Variants in MINPP1 observed in about 807,000 individuals in gnomAD.
MINPP1 encodes the protein multiple inositol polyphosphate phosphatase 1.
A neutral mutation model predicts 46.1 loss-of-function variants in MINPP1; 28 were observed. That is an observed-to-expected ratio of 0.61 (90% CI 0.45 to 0.83). The LOEUF is 0.83. Among genes scored for constraint, MINPP1 ranks in the 40% least tolerant of loss-of-function variants. The pLI, the probability that MINPP1 is intolerant of heterozygous loss-of-function variation, is 0.00. For synonymous variants in MINPP1, 268 were observed against 249.1 expected (o/e 1.08, Z -0.72); for missense variants, 603 against 610.0 (o/e 0.99, Z 0.12).
intron 4 of MINPP1, among the ~76,000 whole-genome samples, chr10:87,548,849 A>G (rs1851924486): frequency 6.6e-6 from 1 of 152,100 alleles, no homozygotes; most frequent in Non-Finnish European, 1.5e-5. Context: ...TCAAATTTGT[A>G]TAATAGACAT....
At chr10:87,512,297 T>C (rs1297642615) in intron 2 of MINPP1, among the ~76,000 whole-genome samples, 1 of 152,250 alleles carries the variant, frequency 6.6e-6, no homozygotes, top group African/African-American at 2.4e-5. Context: ...AGATAACTTA[T>C]TCTGAAATCC....
chr10:87,534,588 C>G (rs1460621516), intron 4 of MINPP1, among the ~76,000 whole-genome samples: 1 of 152,070 alleles, frequency 6.6e-6, no homozygotes, highest in Admixed American at 6.5e-5. Flanking sequence ...GTAAGAATCA[C>G]TCTTAAATCT....
At chr10:87,507,578 G>A (rs1303861054) in intron 1 of MINPP1, among the ~76,000 whole-genome samples, 3 of 151,784 alleles carry the variant, frequency 2.0e-5, no homozygotes, top group Non-Finnish European at 4.4e-5. Context: ...GATATACTTG[G>A]TGTTCTTTTC....
In MINPP1 at chr10:87,508,515, G is replaced by A. The variant is rs1851289000; in HGVS notation, c.817G>A (p.Val273Ile). Residue 273 changes from valine (V) to isoleucine (I), a missense_variant, in exon 2 of 5, where the codon GTA becomes ATA. Physicochemically the swap from Val to Ile is conservative, Grantham distance 29. Around this residue, in one of 3 missense-constraint regions of MINPP1, gnomAD observed 344 missense variants for 381.1 expected, o/e 0.90. Coordinates refer to ENST00000371996, the MANE Select transcript of MINPP1 (RefSeq NM_004897.5). The part of the protein sequence containing the change: ...KKVAATLQVP[V>I]NDLNADLIQV... ...AGTTGCAGCTACTTTGCAAGTGCCA[G>A]TAAATGATTTAAATGCAGGTAATAT... The A allele has an allele frequency of 6.2e-7, 1 of 1,613,190 alleles. No individual in the cohort carries two copies. Among genetic ancestry groups the A allele is most frequent in the Non-Finnish European group, 8.5e-7 (1 of 1,179,398 alleles).
chr10:87,509,245 A>G (rs963797438), intron 2 of MINPP1, among the ~76,000 whole-genome samples: 2 of 152,204 alleles, frequency 1.3e-5, no homozygotes, highest in Non-Finnish European at 2.9e-5. Flanking sequence ...AGATACATGC[A>G]AAGATTGTAG....
chr10:87,516,916 T>C (rs1851419428), intron 3 of MINPP1, among the ~76,000 whole-genome samples: 2 of 152,230 alleles, frequency 1.3e-5, no homozygotes, highest in Admixed American at 6.5e-5. Context: ...TTTTGAACTT[T>C]ATAATGATGG....
chr10:87,520,832 C>G (rs1851490242), intron 3 of MINPP1, among the ~76,000 whole-genome samples: 1 of 152,074 alleles, frequency 6.6e-6, no homozygotes, highest in South Asian at 2.1e-4. Context: ...TACATTCCCC[C>G]AATCCAAATT....
intron 4 of MINPP1, among the ~76,000 whole-genome samples, chr10:87,534,566 G>C (rs1457025233): frequency 6.6e-6 from 1 of 151,822 alleles, no homozygotes; most frequent in Non-Finnish European, 1.5e-5. Context: ...TTGTTGAATT[G>C]TATCCAGTTT....
chr10:87,548,355 A>G (rs893676088), intron 4 of MINPP1, among the ~76,000 whole-genome samples: 1 of 152,168 alleles, frequency 6.6e-6, no homozygotes, highest in African/African-American at 2.4e-5. Context: ...AGAAACTAGC[A>G]TGGTGCCTGG....
chr10:87,536,999 C>T (rs896181957), intron 4 of MINPP1, among the ~76,000 whole-genome samples: 5 of 152,022 alleles, frequency 3.3e-5, no homozygotes, highest in East Asian at 1.9e-4. Context: ...TGCAGCGGCA[C>T]GATCTTGGCT....
rs539901228 is a variant in MINPP1, at chr10:87,531,653, C to T, written c.1067+10484C>T. On this transcript the variant is annotated intron_variant, in intron 4 of 4. Coordinates refer to ENST00000371996, the MANE Select transcript of MINPP1 (RefSeq NM_004897.5). ...ATGTGAAAATTCAAAATACTCCAAA[C>T]TCCAAAACTTTTTGAGTGCGGATGT... 5.7e-4 allele frequency among the ~76,000 whole-genome samples: 87 copies of T among 152,286 alleles called. 1 individual carries two copies. The highest frequency in any genetic ancestry group is 2.7e-3 in the Admixed American group (41 of 15,286).
At chr10:87,550,139 CTTTCAGA>C (rs1339646963) in intron 4 of MINPP1, among the ~76,000 whole-genome samples, 1 of 152,128 alleles carries the variant, frequency 6.6e-6, no homozygotes, top group African/African-American at 2.4e-5. Flanking sequence ...GTTGCCAGAT[CTTTCAGA>C]TTTCTAAGAA....
intron 4 of MINPP1, among the ~76,000 whole-genome samples, chr10:87,544,886 G>T (rs1046596144): frequency 2.0e-5 from 3 of 152,134 alleles, no homozygotes. Flanking sequence ...TTATGTTTGA[G>T]ATTTTAGTGA....
chr10:87,550,614 T>G (rs570295366), intron 4 of MINPP1, among the ~76,000 whole-genome samples: 2 of 152,250 alleles, frequency 1.3e-5, no homozygotes, highest in South Asian at 4.1e-4. Flanking sequence ...TCCTGAACAT[T>G]TAGAAAAAGG....
chr10:87,549,236 G>T (rs913424673), intron 4 of MINPP1, among the ~76,000 whole-genome samples: 1 of 152,152 alleles, frequency 6.6e-6, no homozygotes, highest in African/African-American at 2.4e-5. Flanking sequence ...TCACAGTCTA[G>T]ATTTCATTTC....
chr10:87,504,939 C>G lies in MINPP1; in HGVS notation c.24C>G (p.Leu8=), dbSNP rs577821877. The stretch of plus-strand genomic sequence containing the variant: ...CGATGCTACGCGCGCCCGGCTGCCT[C>G]CTCCGGACCTCCGTAGCGCCTGCCG... The part of the protein sequence containing the change: MLRAPGC[L]LRTSVAPAAA... Residue 8 remains leucine (L), a synonymous_variant, in exon 1 of 5, where the codon CTC becomes CTG. Transcript: ENST00000371996. The G allele has an allele frequency of 1.2e-6, 2 of 1,611,392 alleles. No individual in the cohort carries two copies. The highest frequency in any genetic ancestry group is 1.3e-5 in the African/African-American group (1 of 75,046).
At chr10:87,507,283 A>G (rs1180586290) in intron 1 of MINPP1, among the ~76,000 whole-genome samples, 1 of 152,228 alleles carries the variant, frequency 6.6e-6, no homozygotes, top group Non-Finnish European at 1.5e-5. Context: ...GAAACAGAAC[A>G]ATGCCTTTGT....
chr10:87,532,536 A>G (rs1851674851), intron 4 of MINPP1, among the ~76,000 whole-genome samples: 1 of 152,234 alleles, frequency 6.6e-6, no homozygotes, highest in South Asian at 2.1e-4. Context: ...CTCAGCAGTG[A>G]GCGATGATGA....
chr10:87,552,690 C>G lies in MINPP1; in HGVS notation c.*212C>G. On this transcript the variant is annotated 3_prime_UTR_variant, in exon 5 of 5. Transcript: ENST00000371996. Reference sequence around the variant, plus strand: ...GCAGCTCTCTTAAGGAGAAACAAATCTATTTAGAGAAACAGCTGGCCCTGC... The same window carrying G: ...GCAGCTCTCTTAAGGAGAAACAAATGTATTTAGAGAAACAGCTGGCCCTGC... The G allele has an allele frequency of 1.9e-6, 1 of 539,604 alleles. No homozygotes were observed. Among genetic ancestry groups the G allele is most frequent in the Non-Finnish European group, 3.3e-6 (1 of 307,314 alleles). 33.4% of individuals were successfully genotyped at this position (539,604 alleles called of 1,614,324 possible). A position where few individuals can be genotyped will look rare whatever the true frequency, so the allele number is the denominator to read the frequency against.
Sources: allele counts gnomAD v4.1 joint callset (sites outside exome capture counted in the v4.1 genomes callset), GRCh38; gene constraint gnomAD v4.1.1; regional missense constraint gnomAD v4.1.1; transcripts MANE v1.5; gene names NCBI Gene and HGNC (gene_info 2026-07-23, HGNC 2026-07-21).